The following ABCA10 variants were observed in gnomAD, a reference collection of about 807,000 sequenced individuals.
The protein encoded by ABCA10 is ATP-binding cassette sub-family A member 10.
Under a neutral mutation model 187.5 loss-of-function variants are expected in ABCA10, and 169 were observed. The observed-to-expected ratio is 0.90, with a 90% CI of 0.80 to 1.02. ABCA10 has a LOEUF of 1.02. Ranked by LOEUF, ABCA10 falls within the 50% of genes least tolerant of loss-of-function variation. The pLI, the probability that ABCA10 is intolerant of heterozygous loss-of-function variation, is 0.00. For synonymous variants in ABCA10, 574 were observed against 601.8 expected (o/e 0.95, Z 0.68); for missense variants, 1,727 against 1,812.4 (o/e 0.95, Z 0.86).
Position 69,210,838 on chromosome 17 carries a change from TTTATGCCAC to T in ABCA10, c.1006+3857_1006+3865del, listed in dbSNP as rs1304520044. ...TATACATATATATATATGCCACATA[TTTATGCCAC>T]ATATATATATATATATATGCCATAT... On this transcript the variant is annotated intron_variant, in intron 9 of 38. Transcript: ENST00000690296. Among the ~76,000 whole-genome samples, 30 of 25,072 alleles carry T rather than the reference TTTATGCCAC, an allele frequency of 1.2e-3. 1 individual carries two copies. The highest frequency in any genetic ancestry group is 2.2e-3 in the African/African-American group (28 of 12,592). 16.4% of individuals were successfully genotyped at this position (25,072 alleles called of 152,430 possible). A position where few individuals can be genotyped will look rare whatever the true frequency, so the allele number is the denominator to read the frequency against.
rs534430731 is a variant in ABCA10, at chr17:69,240,052, T to C, written c.-593+4477A>G. 3.9e-5 allele frequency among the ~76,000 whole-genome samples: 6 copies of C among 152,340 alleles called. No individual in the cohort carries two copies. The South Asian group carries it at 1.0e-3, about 26-fold the overall frequency. ...TGCTAAGAACCATCTCTTGGGATTC[T>C]TGCCAGGACATTAAAAATCCTTTAG... is the stretch of plus-strand genomic sequence containing the variant. On this transcript the variant is annotated intron_variant, in intron 1 of 39. Coordinates refer to the ABCA10 transcript ENST00000269081.
At chr17:69,223,513 C>T (rs2074768051) in intron 3 of ABCA10, 2 of 302,290 alleles carry the variant, frequency 6.6e-6, no homozygotes, top group South Asian at 2.7e-5. Context: ...CCAATTAGTG[C>T]CTCCTTTTTC....
intron 22 of ABCA10, 181 bp from the exon 23 acceptor site, chr17:69,175,694 T>C (rs866218688): frequency 4.2e-6 from 2 of 473,466 alleles, no homozygotes; most frequent in Admixed American, 3.9e-5. Context: ...AGGAACAGCA[T>C]GATATAAAAG....
intron 9 of ABCA10, among the ~76,000 whole-genome samples, chr17:69,208,084 A>G (rs1223840881): frequency 6.6e-6 from 1 of 152,180 alleles, no homozygotes; most frequent in East Asian, 1.9e-4. Flanking sequence ...TGTGGTCAAT[A>G]AAGTATAGAG....
chr17:69,225,193 G>A (rs115501859), intron 3 of ABCA10, 132 bp downstream of exon 3: 3 of 961,746 alleles, frequency 3.1e-6, no homozygotes, highest in African/African-American at 3.3e-5. Context: ...CCCCTGTACT[G>A]CATATATAAT....
chr17:69,187,789 T>C lies in ABCA10; in HGVS notation c.2222A>G (p.Glu741Gly), dbSNP rs1181302828. Residue 741 changes from glutamate to glycine, a missense_variant, in exon 19 of 39, where the codon GAA becomes GGA. By Grantham distance (98) the Glu-to-Gly change is moderately conservative. Coordinates refer to ENST00000690296, the MANE Select transcript of ABCA10 (RefSeq NM_001377321.1). The stretch of plus-strand genomic sequence containing the variant: ...TGCACTACTGACAGCCTTTCTTGTT[T>C]CAGGAAGAGAACAAAGAACCTGTTC... ...EMEQVLCSLP[E>G]TRKAVSSAAL... The C allele has an allele frequency of 1.2e-6, 2 of 1,613,952 alleles. No individual in the cohort carries two copies. Among genetic ancestry groups the C allele is most frequent in the Non-Finnish European group, 1.7e-6 (2 of 1,179,818 alleles).
chr17:69,193,787 G>A (rs1270296775), intron 13 of ABCA10, 27 bp downstream of exon 13: 1 of 1,596,618 alleles, frequency 6.3e-7, no homozygotes, highest in South Asian at 1.2e-5. Context: ...TATTTCCAAA[G>A]CCATCAATCT....
chr17:69,188,110 A>T lies in ABCA10; in HGVS notation c.2132-231T>A, dbSNP rs139214663. 9.2e-5 allele frequency among the ~76,000 whole-genome samples: 14 copies of T among 152,320 alleles called. No individual in the cohort carries two copies. In the East Asian group the frequency reaches 2.7e-3, roughly 29 times the overall value. ...GGATGATTAAGGCTTCCTAACAAGC[A>T]TTTATTCTTTCATACCAATAACAGT... On this transcript the variant is annotated intron_variant, in intron 18 of 38. Coordinates refer to ENST00000690296, the MANE Select transcript of ABCA10 (RefSeq NM_001377321.1).
At chr17:69,187,599 T>A in intron 19 of ABCA10, 82 bp downstream of exon 19, 2 of 1,373,168 alleles carry the variant, frequency 1.5e-6, no homozygotes, top group Non-Finnish European at 2.0e-6. Context: ...AATGAATGAA[T>A]AAATTAATAT....
chr17:69,154,963 T>C, intron 30 of ABCA10, 56 bp downstream of exon 30: 1 of 1,337,560 alleles, frequency 7.5e-7, no homozygotes, highest in South Asian at 1.4e-5. Flanking sequence ...TTTGTAGTCT[T>C]AAATCTAGAG....
At chr17:69,242,988 C>T (rs1450118456) in intron 1 of ABCA10, among the ~76,000 whole-genome samples, 1 of 152,182 alleles carries the variant, frequency 6.6e-6, no homozygotes. Context: ...CCAGTTTAGT[C>T]TTAGAAGGCA....
chr17:69,179,399 A>G (rs2144786231), intron 22 of ABCA10, among the ~76,000 whole-genome samples: 1 of 152,308 alleles, frequency 6.6e-6, no homozygotes, highest in East Asian at 1.9e-4. Flanking sequence ...AACTCAGGTA[A>G]CTGATGGGTC....
At chr17:69,163,039 G>T (rs567877142) in intron 27 of ABCA10, among the ~76,000 whole-genome samples, 16 of 152,126 alleles carry the variant, frequency 1.1e-4, no homozygotes, top group African/African-American at 3.9e-4. Context: ...GTTTCACCAT[G>T]TTGCCCAGGC....
At chr17:69,180,915 A>T (rs1192232733) in intron 22 of ABCA10, among the ~76,000 whole-genome samples, 1 of 152,170 alleles carries the variant, frequency 6.6e-6, no homozygotes, top group East Asian at 1.9e-4. Context: ...ATCATAATCA[A>T]ACACACCAGT....
chr17:69,159,158 T>C (rs1197915282), intron 27 of ABCA10, among the ~76,000 whole-genome samples: 1 of 152,020 alleles, frequency 6.6e-6, no homozygotes, highest in East Asian at 1.9e-4. Flanking sequence ...ATCAAAGATG[T>C]AGAAAAGCTA....
In ABCA10 at chr17:69,185,643, C is replaced by T; in HGVS notation, c.2331G>A (p.Leu777=). ...TAAAAGCAATTCCAAGTACTAGTAA[C>T]CTAAGTAAAACAAAATTATAACATG... ...LRRERRALLC[L]LLVLGIAFIP... Residue 777 remains leucine (L), a splice_region_variant and synonymous_variant, in exon 20 of 39, where the codon TTG becomes TTA. Transcript: ENST00000690296. 6.3e-7 allele frequency: 1 copy of T among 1,584,060 alleles called. No homozygotes were observed. Among genetic ancestry groups the T allele is most frequent in the Non-Finnish European group, 8.6e-7 (1 of 1,162,542 alleles).
chr17:69,175,495 G>T lies in ABCA10; in HGVS notation c.2788C>A (p.Leu930Ile), dbSNP rs766226646. 6 of 1,609,892 alleles carry T rather than the reference G, an allele frequency of 3.7e-6. No homozygotes were observed. The highest frequency in any genetic ancestry group is 5.1e-6 in the Non-Finnish European group (6 of 1,177,714). Residue 930 changes from leucine to isoleucine, a missense_variant, in exon 23 of 39, where the codon CTT (leucine) becomes ATT (isoleucine). Transcript: ENST00000690296. ...AATATGGACCCATCTATAAAACCAA[G>T]ATCCAGCACTATGTCATCCTGAAAG... ...SFSRDDIVLD[L>I]GFIDGSIFLL...
In ABCA10 at chr17:69,164,986, C is replaced by T. The variant is rs1393780892; in HGVS notation, c.3260G>A (p.Gly1087Glu). The change falls in exon 26 of 39, where the codon GGG becomes GAG. Residue 1087 changes from glycine (G) to glutamate (E), a missense_variant. Coordinates refer to ENST00000690296, the MANE Select transcript of ABCA10 (RefSeq NM_001377321.1). Reference sequence around the variant, plus strand: ...TACCTGGATCAATAACATGACATACCCCAGCAAAGTGAAGGAAGGTATGAA... The same window carrying T: ...TACCTGGATCAATAACATGACATACTCCAGCAAAGTGAAGGAAGGTATGAA... ...MIFIPSFTLL[G>E]YVMLLIQLDF... 2 of 1,612,766 alleles carry T rather than the reference C, an allele frequency of 1.2e-6. No homozygotes were observed. Among genetic ancestry groups the T allele is most frequent in the Non-Finnish European group, 1.7e-6 (2 of 1,179,328 alleles).
chr17:69,202,817 G>T (rs538050671), intron 9 of ABCA10, among the ~76,000 whole-genome samples: 2 of 152,182 alleles, frequency 1.3e-5, no homozygotes, highest in Admixed American at 1.3e-4. Context: ...CAGATCTAAA[G>T]AAGGAAAGAA....
Sources: allele counts gnomAD v4.1 joint callset (sites outside exome capture counted in the v4.1 genomes callset), GRCh38; gene constraint gnomAD v4.1.1; transcripts MANE v1.5; gene names NCBI Gene and HGNC (gene_info 2026-07-23, HGNC 2026-07-21).